The following HSD17B4 variants were observed in gnomAD, a reference collection of about 807,000 sequenced individuals.
The protein encoded by HSD17B4 is peroxisomal multifunctional enzyme type 2.
In HSD17B4, 70 loss-of-function variants were observed where a neutral mutation model predicts 101.0. The ratio of observed to expected loss-of-function variants is 0.69; its 90% CI spans 0.57 to 0.85. HSD17B4 has a LOEUF of 0.85. HSD17B4 is among the 40% of genes least tolerant of loss of function. The pLI, the probability that HSD17B4 is intolerant of heterozygous loss-of-function variation, is 0.00. For synonymous variants in HSD17B4, 347 were observed against 297.1 expected (o/e 1.17, Z -1.73); for missense variants, 984 against 892.4 (o/e 1.10, Z -1.31).
intron 9 of HSD17B4, 36 bp downstream of exon 9, chr5:119,489,319 C>T: frequency 7.6e-7 from 1 of 1,311,686 alleles, no homozygotes; most frequent in Non-Finnish European, 1.1e-6. Flanking sequence ...TATTAGTTTT[C>T]TCCAGTTGCT....
At chr5:119,518,292 T>TTCAC (rs1204253674) in intron 17 of HSD17B4, among the ~76,000 whole-genome samples, 1 of 151,916 alleles carries the variant, frequency 6.6e-6, no homozygotes, top group Non-Finnish European at 1.5e-5. Flanking sequence ...GGTCTGCAGC[T>TTCAC]TCACTCCTGA....
chr5:119,514,115 G>A (rs1235991805), intron 16 of HSD17B4, among the ~76,000 whole-genome samples: 1 of 152,124 alleles, frequency 6.6e-6, no homozygotes, highest in African/African-American at 2.4e-5. Flanking sequence ...GGATGCAACT[G>A]AAACAAAGGA....
intron 22 of HSD17B4, among the ~76,000 whole-genome samples, chr5:119,532,323 G>A (rs926310206): frequency 1.3e-5 from 2 of 151,956 alleles, no homozygotes; most frequent in Non-Finnish European, 2.9e-5. Context: ...TTGACTTTGG[G>A]CTTAATCCTG....
At chr5:119,502,740 C>T (rs1002834300) in intron 14 of HSD17B4, among the ~76,000 whole-genome samples, 20 of 152,132 alleles carry the variant, frequency 1.3e-4, no homozygotes, top group South Asian at 6.2e-4. Context: ...ATGTAGAGGT[C>T]GGCAAGTAGC....
At chr5:119,477,673 G>A (rs531967428) in intron 7 of HSD17B4, 172 bp downstream of exon 7, 1 of 628,524 alleles carries the variant, frequency 1.6e-6, no homozygotes, top group Admixed American at 2.5e-5. Context: ...GTATAATTTA[G>A]TCACAGATTG....
intron 21 of HSD17B4, 23 bp from the exon 22 acceptor site, chr5:119,531,236 TTTTAAAG>T (rs1177309444): frequency 6.2e-7 from 1 of 1,611,506 alleles, no homozygotes; most frequent in East Asian, 2.2e-5. Context: ...TTTACAGAAC[TTTTAAAG>T]TTTATTTTGT....
chr5:119,518,373 C>T, intron 17 of HSD17B4, among the ~76,000 whole-genome samples: 1 of 152,096 alleles, frequency 6.6e-6, no homozygotes, highest in East Asian at 1.9e-4. Context: ...CCAGACGTGC[C>T]ACCTTAAGAG....
chr5:119,483,936 A>C (rs572253534), intron 8 of HSD17B4, among the ~76,000 whole-genome samples: 43 of 152,280 alleles, frequency 2.8e-4, no homozygotes, highest in African/African-American at 8.9e-4. Flanking sequence ...CTAGAAAGAG[A>C]TATTTTTCGA....
intron 2 of HSD17B4, among the ~76,000 whole-genome samples, chr5:119,472,242 A>G (rs1442269646): frequency 6.6e-6 from 1 of 152,222 alleles, no homozygotes; most frequent in Non-Finnish European, 1.5e-5. Context: ...TAAAATCACC[A>G]TTCTTATACA....
intron 2 of HSD17B4, among the ~76,000 whole-genome samples, chr5:119,461,584 G>T (rs1755240741): frequency 6.6e-6 from 1 of 152,070 alleles, no homozygotes; most frequent in African/African-American, 2.4e-5. Flanking sequence ...GTGTGTTTTA[G>T]AATTCCTTGG....
chr5:119,511,078 T>C (rs1159105054), intron 16 of HSD17B4, among the ~76,000 whole-genome samples: 2 of 152,176 alleles, frequency 1.3e-5, no homozygotes, highest in Non-Finnish European at 2.9e-5. Flanking sequence ...GAACAGAAGC[T>C]ACTACACCTG....
intron 17 of HSD17B4, among the ~76,000 whole-genome samples, chr5:119,521,037 A>G (rs1014529565): frequency 6.6e-6 from 1 of 152,188 alleles, no homozygotes; most frequent in Non-Finnish European, 1.5e-5. Flanking sequence ...CCTTTTGCCA[A>G]AGCTTCTTAG....
At chr5:119,479,068 A>G (rs756232401) in intron 8 of HSD17B4, 47 bp downstream of exon 8, 66 of 1,345,492 alleles carry the variant, frequency 4.9e-5, no homozygotes, top group Non-Finnish European at 8.5e-6. Flanking sequence ...TTACAAACCT[A>G]TGTGGAATGA....
chr5:119,502,152 AAAC>A (rs1751230337), intron 14 of HSD17B4, 60 bp downstream of exon 14: 1 of 1,081,242 alleles, frequency 9.2e-7, no homozygotes, highest in Non-Finnish European at 1.4e-6. Context: ...TTAACCTTTT[AAAC>A]AACATCAGTG....
chr5:119,481,091 A>T (rs1749085735), intron 8 of HSD17B4, among the ~76,000 whole-genome samples: 1 of 152,198 alleles, frequency 6.6e-6, no homozygotes, highest in Admixed American at 6.5e-5. Flanking sequence ...TCCTGAGGCG[A>T]CATACATCCT....
At chr5:119,510,529 A>G (rs1189551477) in intron 16 of HSD17B4, among the ~76,000 whole-genome samples, 1 of 152,230 alleles carries the variant, frequency 6.6e-6, no homozygotes, top group Non-Finnish European at 1.5e-5. Context: ...TTGGGAAAAG[A>G]CTTCTGGAAT....
At position 119,456,325 on chromosome 5, in the gene HSD17B4, A is replaced by T; in HGVS notation, c.69A>T (p.Arg23=). Residue 23 remains arginine (R), a synonymous_variant, in exon 2 of 24, where the codon CGA becomes CGT. Transcript: ENST00000510025. The stretch of plus-strand genomic sequence containing the variant: ...TTTGTTTTTGATTAGGATTGGGCCG[A>T]GCCTATGCCCTGGCTTTTGCAGAAA... ...LVTGAGAGLG[R]AYALAFAERG... 1 of 1,611,444 alleles carries T rather than the reference A, an allele frequency of 6.2e-7. No individual in the cohort carries two copies. The highest frequency in any genetic ancestry group is 8.5e-7 in the Non-Finnish European group (1 of 1,177,504).
At chr5:119,517,505 A>T (rs1460970467) in intron 17 of HSD17B4, among the ~76,000 whole-genome samples, 1 of 152,226 alleles carries the variant, frequency 6.6e-6, no homozygotes, top group African/African-American at 2.4e-5. Flanking sequence ...ACCGCGCGGG[A>T]CTGGCAGGCA....
Position 119,479,007 on chromosome 5 carries a change from C to A in HSD17B4, c.608C>A (p.Thr203Lys). ...APNAGSRMTQTVMPEDLVEAL... is the reference protein window; with the variant it reads ...APNAGSRMTQKVMPEDLVEAL... ...AATGCGGGATCACGGATGACTCAGA[C>A]AGTTATGCCTGAAGGTAAGTAAGCA... Residue 203 changes from threonine (T) to lysine (K), a missense_variant, in exon 8 of 24, where the codon ACA becomes AAA. Physicochemically the swap from Thr to Lys is moderately conservative, Grantham distance 78. Transcript: ENST00000510025. The A allele has an allele frequency of 6.2e-7, 1 of 1,613,026 alleles. No homozygotes were observed. Among genetic ancestry groups the A allele is most frequent in the East Asian group, 2.2e-5 (1 of 44,858 alleles).
Sources: gnomAD v4.1 joint callset for allele counts (sites outside exome capture counted in the v4.1 genomes callset) on GRCh38, gnomAD v4.1.1 for gene constraint, MANE v1.5 for transcripts, NCBI Gene and HGNC (gene_info 2026-07-23, HGNC 2026-07-21) for gene names.